TIGIT: variants seen among roughly 807,000 people sequenced by gnomAD.
TIGIT encodes T-cell immunoreceptor with Ig and ITIM domains.
A neutral mutation model predicts 19.6 loss-of-function variants in TIGIT; 11 were observed. The ratio of observed to expected loss-of-function variants is 0.56; its 90% CI spans 0.35 to 0.93. TIGIT has a LOEUF of 0.93. Ranked by LOEUF, TIGIT falls within the 40% of genes least tolerant of loss-of-function variation. TIGIT has a pLI of 0.01. For synonymous variants in TIGIT, 130 were observed against 125.5 expected (o/e 1.04, Z -0.24); for missense variants, 295 against 303.9 (o/e 0.97, Z 0.22).
In TIGIT at chr3:114,294,172, C is replaced by A. The variant is rs549068975; in HGVS notation, c.61+50C>A. 4.8e-6 allele frequency: 7 copies of A among 1,465,974 alleles called. No homozygotes were observed. In the East Asian group the frequency reaches 7.4e-5, roughly 16 times the overall value. 90.8% of individuals were successfully genotyped at this position (1,465,974 alleles called of 1,614,324 possible). ...AGCAGGGAGGAAAAACAAGGCTAAGCTTGGTTGGAGACTTGGGTGCTTGTG... is the reference window on the plus strand; with the variant it reads ...AGCAGGGAGGAAAAACAAGGCTAAGATTGGTTGGAGACTTGGGTGCTTGTG... On this transcript the variant is annotated intron_variant, in intron 1 of 3. Coordinates refer to ENST00000383671, the MANE Select transcript of TIGIT (RefSeq NM_173799.4).
At chr3:114,298,532 C>T (rs1382975612) in intron 2 of TIGIT, among the ~76,000 whole-genome samples, 1 of 152,160 alleles carries the variant, frequency 6.6e-6, no homozygotes, top group Non-Finnish European at 1.5e-5. Context: ...CTCTGCAGCC[C>T]CTCTTACCTG....
In TIGIT at chr3:114,303,612, CATATATATGTAT is replaced by C. The variant is rs1560033686; in HGVS notation, c.498+3917_498+3928del. 2.3e-4 allele frequency among the ~76,000 whole-genome samples: 15 copies of C among 65,454 alleles called. 1 individual carries two copies. Among genetic ancestry groups the C allele is most frequent in the Admixed American group, 5.6e-4 (3 of 5,380 alleles). The allele number at this position is 65,454 out of a possible 152,430, so 42.9% of individuals were successfully genotyped here. ...ACATATATATGTATATATATATATA[CATATATATGTAT>C]ATATATACACACACACACACACACA... is the stretch of plus-strand genomic sequence containing the variant. On this transcript the variant is annotated intron_variant, in intron 3 of 3. Transcript: ENST00000383671.
In TIGIT at chr3:114,294,100, G is replaced by T; in HGVS notation, c.39G>T (p.Leu13=). 1 of 1,555,276 alleles carries T rather than the reference G, an allele frequency of 6.4e-7. No homozygotes were observed. The highest frequency in any genetic ancestry group is 2.4e-5 in the East Asian group (1 of 41,652). ...TCCTCCTGATCTGGGCCCAGGGGCTGAGGCAGGCTCCCCTCGCCTCAGGTA... is the reference window on the plus strand; with the variant it reads ...TCCTCCTGATCTGGGCCCAGGGGCTTAGGCAGGCTCCCCTCGCCTCAGGTA... ...WCLLLIWAQG[L]RQAPLASGMM... The change falls in exon 1 of 4, where the codon CTG becomes CTT. Residue 13 remains leucine (L), a synonymous_variant. Transcript: ENST00000383671.
Position 114,308,302 on chromosome 3 carries a change from T to C in TIGIT, c.*171T>C. 1.6e-6 allele frequency: 1 copy of C among 621,974 alleles called. No homozygotes were observed. The highest frequency in any genetic ancestry group is 2.8e-6 in the Non-Finnish European group (1 of 354,850). The allele number at this position is 621,974 out of a possible 1,614,324, so 38.5% of individuals were successfully genotyped here. ...CTTCTCCATCTTCATTTCCTTGGCC[T>C]TTTCGTTCTATTCCATTTTGCATTA... On this transcript the variant is annotated 3_prime_UTR_variant, in exon 4 of 4. Coordinates refer to ENST00000383671, the MANE Select transcript of TIGIT (RefSeq NM_173799.4).
At chr3:114,295,471 C>T (rs751964497) in intron 1 of TIGIT, 74 bp from the exon 2 acceptor site, 47 of 1,303,730 alleles carry the variant, frequency 3.6e-5, no homozygotes, top group Non-Finnish European at 4.8e-5. Flanking sequence ...CTCAAAGGCC[C>T]TTAGAATTTT....
At chr3:114,301,597 G>T (rs1263513730) in intron 3 of TIGIT, among the ~76,000 whole-genome samples, 1 of 152,224 alleles carries the variant, frequency 6.6e-6, no homozygotes, top group African/African-American at 2.4e-5. Context: ...TCTTTAGAAG[G>T]AGCTGAACAA....
chr3:114,303,507 A>ATATATATATACACATATATATG (rs1560033443), intron 3 of TIGIT, among the ~76,000 whole-genome samples: 24 of 6,092 alleles, frequency 3.9e-3, no homozygotes, highest in Admixed American at 0.016. Flanking sequence ...ATATATATGT[A>ATATATATATACACATATATATG]TATATATATA....
intron 3 of TIGIT, chr3:114,307,438 C>G (rs2078542904): frequency 1.2e-5 from 2 of 170,286 alleles, no homozygotes; most frequent in South Asian, 3.0e-4. Flanking sequence ...CTGGGGAACC[C>G]CACGGTTTGG....
chr3:114,295,100 C>G (rs1360679807), intron 1 of TIGIT: 2 of 196,638 alleles, frequency 1.0e-5, no homozygotes, highest in Non-Finnish European at 2.1e-5. Flanking sequence ...TTATACAATA[C>G]AGGCAGTGAA....
chr3:114,301,676 G>C (rs1343328305), intron 3 of TIGIT, among the ~76,000 whole-genome samples: 1 of 152,184 alleles, frequency 6.6e-6, no homozygotes, highest in Non-Finnish European at 1.5e-5. Flanking sequence ...TTGGTCATCT[G>C]GAGGGTAGAG....
intron 2 of TIGIT, 43 bp downstream of exon 2, chr3:114,295,917 A>G (rs999537547): frequency 2.7e-6 from 4 of 1,491,004 alleles, no homozygotes; most frequent in Middle Eastern, 3.6e-4. Flanking sequence ...CTCTCCCTCT[A>G]GCATAGAAAA....
chr3:114,300,037 T>C (rs1042372353), intron 3 of TIGIT, among the ~76,000 whole-genome samples: 2 of 152,184 alleles, frequency 1.3e-5, no homozygotes, highest in African/African-American at 2.4e-5. Flanking sequence ...CATCTATATA[T>C]GCTAGAGCTT....
At chr3:114,298,766 G>A (rs2078471020) in intron 2 of TIGIT, among the ~76,000 whole-genome samples, 1 of 152,168 alleles carries the variant, frequency 6.6e-6, no homozygotes, top group South Asian at 2.1e-4. Context: ...TTAGGTAGAG[G>A]GATGAGATGT....
At position 114,299,445 on chromosome 3, in the gene TIGIT, G is replaced by A; in HGVS notation, c.392-152G>A. 8.2e-6 allele frequency: 5 copies of A among 610,868 alleles called. No individual in the cohort carries two copies. The East Asian group carries it at 1.1e-4, about 14-fold the overall frequency. The allele number at this position is 610,868 out of a possible 1,614,324, so 37.8% of individuals were successfully genotyped here. A position where few individuals can be genotyped will look rare whatever the true frequency, so the allele number is the denominator to read the frequency against. On this transcript the variant is annotated intron_variant, in intron 2 of 3. Transcript: ENST00000383671. The stretch of plus-strand genomic sequence containing the variant: ...TGATGGGCCAGATGGATACTCTGCT[G>A]TTCAAAGTGTTGGGCTTAAAGGCTC...
At chr3:114,304,690 G>T (rs2078519298) in intron 3 of TIGIT, among the ~76,000 whole-genome samples, 2 of 152,194 alleles carry the variant, frequency 1.3e-5, no homozygotes, top group African/African-American at 4.8e-5. Flanking sequence ...CATGGGCTGA[G>T]ATTTTATCCT....
At chr3:114,306,639 T>C (rs1264039922) in intron 3 of TIGIT, among the ~76,000 whole-genome samples, 1 of 151,724 alleles carries the variant, frequency 6.6e-6, no homozygotes, top group Non-Finnish European at 1.5e-5. Flanking sequence ...AAATAATAAT[T>C]AATGTAAGGC....
intron 3 of TIGIT, chr3:114,307,493 GA>G: frequency 5.2e-6 from 1 of 192,000 alleles, no homozygotes; most frequent in East Asian, 1.5e-4. Flanking sequence ...GGCTGAAGAC[GA>G]AGGTGGGGGT....
In TIGIT at chr3:114,294,070, G is replaced by T; in HGVS notation, c.9G>T (p.Trp3Cys). ...GCCCTCTGGGCAGAAGCATGCGCTG[G>T]TGTCTCCTCCTGATCTGGGCCCAGG... MR[W>C]CLLLIWAQGL... The change falls in exon 1 of 4, where the codon TGG (tryptophan) becomes TGT (cysteine). Residue 3 changes from tryptophan to cysteine, a missense_variant. By Grantham distance (215) the Trp-to-Cys change is radical. Transcript: ENST00000383671. 1 of 1,552,950 alleles carries T rather than the reference G, an allele frequency of 6.4e-7. No individual in the cohort carries two copies. Among genetic ancestry groups the T allele is most frequent in the South Asian group, 1.2e-5 (1 of 84,150 alleles).
At chr3:114,303,664 T>C in intron 3 of TIGIT, among the ~76,000 whole-genome samples, 1 of 147,894 alleles carries the variant, frequency 6.8e-6, no homozygotes, top group Admixed American at 6.7e-5. Flanking sequence ...CACAGACACA[T>C]TACAATTTCT....
Sources: allele counts gnomAD v4.1 joint callset (sites outside exome capture counted in the v4.1 genomes callset), GRCh38; gene constraint gnomAD v4.1.1; transcripts MANE v1.5; gene names NCBI Gene and HGNC (gene_info 2026-07-23, HGNC 2026-07-21).